The following CAPN13 variants were observed in gnomAD, a reference collection of about 807,000 sequenced individuals.
The protein encoded by CAPN13 is calpain-13.
Under a neutral mutation model 98.4 loss-of-function variants are expected in CAPN13, and 90 were observed. The observed-to-expected ratio is 0.92, with a 90% CI of 0.77 to 1.09. CAPN13 has a LOEUF of 1.09. Ranked by LOEUF, CAPN13 falls within the 50% of genes least tolerant of loss-of-function variation. The probability of loss-of-function intolerance (pLI) is 0.00; values close to 1 mark genes in which losing one functional copy is unlikely to be tolerated. For synonymous variants in CAPN13, 330 were observed against 305.5 expected, an observed-to-expected ratio of 1.08 and a Z score of -0.84; for missense variants, 887 against 841.3, an observed-to-expected ratio of 1.05 and a Z score of -0.67.
rs372518610 is a variant in CAPN13 at position 30,758,072 on chromosome 2, G to C, written c.840C>G (p.Ala280=). 1 of 1,611,460 alleles carries C rather than the reference G, an allele frequency of 6.2e-7. No homozygotes were observed. Among genetic ancestry groups the C allele is most frequent in the Non-Finnish European group, 8.5e-7 (1 of 1,178,952 alleles). Residue 280 remains alanine, a synonymous_variant, in exon 8 of 23, where the codon GCC becomes GCG. Transcript: ENST00000295055. ...SLWNPWGWGE[A]EWRGRWSDGS... Reference sequence around the variant, plus strand: ...CATCACTCCAGCGCCCTCTCCATTCGGCCTCGCCCCAGCCCCAGGGGTTCC... The same window carrying C: ...CATCACTCCAGCGCCCTCTCCATTCCGCCTCGCCCCAGCCCCAGGGGTTCC...
intron 5 of CAPN13, among the ~76,000 whole-genome samples, chr2:30,764,646 T>C (rs1320216229): frequency 6.6e-6 from 1 of 152,184 alleles, no homozygotes; most frequent in African/African-American, 2.4e-5. Context: ...GGCACATTAA[T>C]GAGCTTCATG....
chr2:30,750,637 C>T (rs1373479491), intron 11 of CAPN13, among the ~76,000 whole-genome samples: 2 of 152,152 alleles, frequency 1.3e-5, no homozygotes, highest in South Asian at 2.1e-4. Context: ...TTAGACAGCT[C>T]ATTTTTTTCC....
intron 1 of CAPN13, among the ~76,000 whole-genome samples, chr2:30,787,827 G>A (rs772260117): frequency 5.3e-5 from 8 of 152,130 alleles, no homozygotes; most frequent in South Asian, 2.1e-4. Context: ...GGAAAGCTGG[G>A]TGAGGAAATG....
chr2:30,752,490 C>A (rs558217317), intron 10 of CAPN13, among the ~76,000 whole-genome samples: 6 of 152,170 alleles, frequency 3.9e-5, no homozygotes, highest in African/African-American at 7.2e-5. Flanking sequence ...GGCTCAGATG[C>A]GCCTACCTGT....
At position 30,764,576 on chromosome 2, in the gene CAPN13, C is replaced by T. The variant is rs961534991; in HGVS notation, c.525-270G>A. Reference sequence around the variant, plus strand: ...CAGCACTGACGAGAGGCTGGGAGTGCCTGTGCTGGAGGCACAGGTTGAACC... The same window carrying T: ...CAGCACTGACGAGAGGCTGGGAGTGTCTGTGCTGGAGGCACAGGTTGAACC... On this transcript the variant is annotated intron_variant, in intron 5 of 22. Coordinates refer to ENST00000295055, the MANE Select transcript of CAPN13 (RefSeq NM_144575.3). Among the ~76,000 whole-genome samples the T allele has an allele frequency of 5.9e-5, 9 of 152,316 alleles. No homozygotes were observed. The East Asian group carries it at 1.4e-3, about 23-fold the overall frequency.
At chr2:30,778,744 T>A (rs1673832549) in intron 2 of CAPN13, among the ~76,000 whole-genome samples, 1 of 152,134 alleles carries the variant, frequency 6.6e-6, no homozygotes, top group Non-Finnish European at 1.5e-5. Flanking sequence ...GGGATGATTT[T>A]ACCAAACTCC....
chr2:30,736,514 C>A lies in CAPN13; in HGVS notation c.1711G>T (p.Val571Phe), dbSNP rs1671372926. 6.2e-7 allele frequency: 1 copy of A among 1,613,966 alleles called. No homozygotes were observed. The highest frequency in any genetic ancestry group is 1.3e-5 in the African/African-American group (1 of 75,034). ...GAATGTGCCCGTACCTGGTAGTGAA[C>A]AAGGCGCTTCCACAGTCGCGCAAAC... ...EEFARLWKRL[V>F]HYQHVFQKVQ... The change falls in exon 18 of 23, where the codon GTT becomes TTT. Residue 571 changes from valine (V) to phenylalanine (F), a missense_variant. Physicochemically the swap from Val to Phe is conservative, Grantham distance 50. Coordinates refer to ENST00000295055, the MANE Select transcript of CAPN13 (RefSeq NM_144575.3).
chr2:30,790,763 C>A (rs922145597), intron 1 of CAPN13, among the ~76,000 whole-genome samples: 3 of 152,218 alleles, frequency 2.0e-5, no homozygotes, highest in Non-Finnish European at 4.4e-5. Context: ...ATAACTCCCA[C>A]ATGCTTAGCG....
Position 30,743,593 on chromosome 2 carries a change from A to T in CAPN13, c.1249-14T>A. 1 of 1,613,632 alleles carries T rather than the reference A, an allele frequency of 6.2e-7. No individual in the cohort carries two copies. The highest frequency in any genetic ancestry group is 8.5e-7 in the Non-Finnish European group (1 of 1,179,556). ...CTCCCGGAACCGCTGGAATTAGAGG[A>T]AACACAATGATTGTGAGAAAGCCTC... is the stretch of plus-strand genomic sequence containing the variant. On this transcript the variant is annotated splice_polypyrimidine_tract_variant and intron_variant, in intron 12 of 22. Transcript: ENST00000295055.
chr2:30,751,012 CAA>C, intron 11 of CAPN13, 89 bp downstream of exon 11: 1 of 1,429,464 alleles, frequency 7.0e-7, no homozygotes, highest in Non-Finnish European at 9.6e-7. Context: ...GTGGTGCAGT[CAA>C]ATCTCCCAGC....
At chr2:30,776,594 G>C (rs1202413882) in intron 3 of CAPN13, among the ~76,000 whole-genome samples, 1 of 152,100 alleles carries the variant, frequency 6.6e-6, no homozygotes, top group South Asian at 2.1e-4. Flanking sequence ...AAACTGATTC[G>C]CGTTTTTCTT....
chr2:30,752,405 G>A (rs1256897667), intron 10 of CAPN13, among the ~76,000 whole-genome samples: 1 of 152,244 alleles, frequency 6.6e-6, no homozygotes, highest in Non-Finnish European at 1.5e-5. Flanking sequence ...AACAGGGAAT[G>A]AGAGGGACAG....
In CAPN13 at chr2:30,742,376, C is replaced by A. The variant is rs1671707061; in HGVS notation, c.1446-17G>T. On this transcript the variant is annotated splice_polypyrimidine_tract_variant and intron_variant, in intron 13 of 22. Transcript: ENST00000295055. ...CTCAGGTGCCTAGAAAATCAGAGGA[C>A]AGTGTGACAAAGATGACCAGCTCAC... is the stretch of plus-strand genomic sequence containing the variant. The A allele has an allele frequency of 6.2e-7, 1 of 1,601,790 alleles. No homozygotes were observed.
chr2:30,801,690 A>G (rs1675290095), intron 1 of CAPN13, among the ~76,000 whole-genome samples: 1 of 151,798 alleles, frequency 6.6e-6, no homozygotes, highest in African/African-American at 2.4e-5. Flanking sequence ...CAGAGCAACC[A>G]CACAAAGAGA....
At chr2:30,771,183 A>G (rs1169857942) in intron 4 of CAPN13, among the ~76,000 whole-genome samples, 1 of 152,214 alleles carries the variant, frequency 6.6e-6, no homozygotes, top group African/African-American at 2.4e-5. Flanking sequence ...CACCGGGGAC[A>G]TGGCCAAATG....
chr2:30,727,404 C>T (rs1206243191), intron 22 of CAPN13, among the ~76,000 whole-genome samples: 1 of 152,078 alleles, frequency 6.6e-6, no homozygotes, highest in Non-Finnish European at 1.5e-5. Flanking sequence ...AAAAATTTTG[C>T]AAATCACATA....
chr2:30,750,775 GC>G (rs1333267043), intron 11 of CAPN13, among the ~76,000 whole-genome samples: 17 of 152,166 alleles, frequency 1.1e-4, no homozygotes, highest in Admixed American at 1.1e-3. Flanking sequence ...TCTGGAGTAA[GC>G]CCAGAATCTG....
intron 1 of CAPN13, among the ~76,000 whole-genome samples, chr2:30,803,967 T>C (rs1675448976): frequency 1.3e-5 from 2 of 152,182 alleles, no homozygotes; most frequent in South Asian, 2.1e-4. Flanking sequence ...CTCTGCAGAT[T>C]GGTAAAAGCT....
intron 16 of CAPN13, 33 bp downstream of exon 16, chr2:30,738,367 G>A (rs1671484602): frequency 6.2e-7 from 1 of 1,611,686 alleles, no homozygotes; most frequent in African/African-American, 1.3e-5. Context: ...CAGGGAGGAG[G>A]ATGGGGCCAG....
Sources: allele counts gnomAD v4.1 joint callset (sites outside exome capture counted in the v4.1 genomes callset), GRCh38; gene constraint gnomAD v4.1.1; transcripts MANE v1.5; gene names NCBI Gene and HGNC (gene_info 2026-07-23, HGNC 2026-07-21).